The following NEMP2 variants were observed in gnomAD, a reference collection of about 807,000 sequenced individuals.
NEMP2 encodes the protein nuclear envelope integral membrane protein 2.
NEMP2 carries 53 observed loss-of-function variants against 54.2 expected under a neutral mutation model. That is an observed-to-expected ratio of 0.98 (90% CI 0.78 to 1.23). NEMP2 has a LOEUF of 1.23. NEMP2 is among the 50% of genes most tolerant of loss of function. The probability of loss-of-function intolerance (pLI) is 0.00; values close to 1 mark genes in which losing one functional copy is unlikely to be tolerated. For missense variants in NEMP2, 455 were observed against 511.3 expected (o/e 0.89, Z 1.06); for synonymous variants, 197 against 190.3 (o/e 1.04, Z -0.29).
At chr2:190,470,534 T>A in the NEMP2 span, among the ~76,000 whole-genome samples, 1 of 152,218 alleles carries the variant, frequency 6.6e-6, no homozygotes, top group Non-Finnish European at 1.5e-5. Context: ...AAGTCCTGAT[T>A]GGCATCATGA....
chr2:190,614,600 G>A, the NEMP2 span, among the ~76,000 whole-genome samples: 1 of 152,104 alleles, frequency 6.6e-6, no homozygotes, highest in Admixed American at 6.6e-5. This position sits in a 1 kb window ranked among gnomAD's most constrained non-coding sequence, Gnocchi z 5.7. Context: ...CTCTCAACAG[G>A]AATGGACCCA....
chr2:190,618,160 A>G, the NEMP2 span, among the ~76,000 whole-genome samples: 1 of 152,226 alleles, frequency 6.6e-6, no homozygotes, highest in African/African-American at 2.4e-5. Flanking sequence ...TCAGTGTGGT[A>G]ACTCATCAAG....
rs1211308944 is a variant in NEMP2, at chr2:190,525,233, C to G, written c.213+30G>C. ...CCCAGGACATGGTAATTCTCTGTCC[C>G]TAAGACATGAGTTAAAAGTAGGCCC... On this transcript the variant is annotated intron_variant, in intron 2 of 8. Coordinates refer to ENST00000409150, the MANE Select transcript of NEMP2 (RefSeq NM_001142645.2). The surrounding 1 kb of genome is among the most constrained non-coding windows in gnomAD (Gnocchi z 5.0). 1.6e-6 allele frequency: 2 copies of G among 1,233,098 alleles called. No homozygotes were observed. Among genetic ancestry groups the G allele is most frequent in the Admixed American group, 4.1e-5 (2 of 48,328 alleles). The allele number at this position is 1,233,098 out of a possible 1,614,324, so 76.4% of individuals were successfully genotyped here. A position where few individuals can be genotyped will look rare whatever the true frequency, so the allele number is the denominator to read the frequency against.
chr2:190,436,397 T>C, the NEMP2 span: 1 of 1,614,236 alleles, frequency 6.2e-7, no homozygotes, highest in Non-Finnish European at 8.5e-7. This position sits in a 1 kb window ranked among gnomAD's most constrained non-coding sequence, Gnocchi z 5.3. Context: ...TTTTGGGGTG[T>C]AGTTGCAGAC....
At chr2:190,586,820 A>G in the NEMP2 span, among the ~76,000 whole-genome samples, 1 of 152,214 alleles carries the variant, frequency 6.6e-6, no homozygotes, top group African/African-American at 2.4e-5. This position sits in a 1 kb window ranked among gnomAD's most constrained non-coding sequence, Gnocchi z 4.5. Context: ...GAACTAACAG[A>G]TACCTATCAT....
chr2:190,464,494 T>C, the NEMP2 span, among the ~76,000 whole-genome samples: 1 of 152,302 alleles, frequency 6.6e-6, no homozygotes, highest in Non-Finnish European at 1.5e-5. Flanking sequence ...AAAGTTCACT[T>C]CTTTCTTCAA....
At chr2:190,545,850 T>C in the NEMP2 span, among the ~76,000 whole-genome samples, 2 of 152,230 alleles carry the variant, frequency 1.3e-5, no homozygotes, top group Non-Finnish European at 2.9e-5. Context: ...TATTGCTGTC[T>C]CTTTGTACTC....
chr2:190,494,446 T>C, the NEMP2 span, among the ~76,000 whole-genome samples: 16 of 152,212 alleles, frequency 1.1e-4, no homozygotes, highest in East Asian at 2.3e-3. The surrounding 1 kb of genome is among the most constrained non-coding windows in gnomAD (Gnocchi z 5.7). Context: ...ACCAATCCTA[T>C]TGACACTATT....
chr2:190,469,818 G>A, the NEMP2 span: 3 of 1,610,196 alleles, frequency 1.9e-6, no homozygotes, highest in South Asian at 3.3e-5. The surrounding 1 kb of genome is among the most constrained non-coding windows in gnomAD (Gnocchi z 5.3). Context: ...CCTACCTGGA[G>A]AATGCCTGGA....
the NEMP2 span, among the ~76,000 whole-genome samples, chr2:190,429,704 C>A: frequency 6.6e-6 from 1 of 152,100 alleles, no homozygotes; most frequent in African/African-American, 2.4e-5. Flanking sequence ...ATTTTCCTAT[C>A]TATAAATCTT....
chr2:190,633,434 C>G, the NEMP2 span, among the ~76,000 whole-genome samples: 1 of 151,884 alleles, frequency 6.6e-6, no homozygotes, highest in African/African-American at 2.4e-5. Flanking sequence ...TCGCCTCAGC[C>G]TCCTGAGTAG....
At chr2:190,585,157 A>G in the NEMP2 span, among the ~76,000 whole-genome samples, 1 of 152,188 alleles carries the variant, frequency 6.6e-6, no homozygotes, top group South Asian at 2.1e-4. The surrounding 1 kb of genome is among the most constrained non-coding windows in gnomAD (Gnocchi z 5.3). Flanking sequence ...TGTTTCTAAC[A>G]ATGCTCTAGC....
the NEMP2 span, among the ~76,000 whole-genome samples, chr2:190,458,396 A>G: frequency 6.6e-6 from 1 of 152,128 alleles, no homozygotes; most frequent in African/African-American, 2.4e-5. The surrounding 1 kb of genome is among the most constrained non-coding windows in gnomAD (Gnocchi z 5.3). Flanking sequence ...CAGGGAGAGG[A>G]TGACTTGTCT....
the NEMP2 span, among the ~76,000 whole-genome samples, chr2:190,589,860 T>C: frequency 2.6e-5 from 4 of 152,172 alleles, no homozygotes; most frequent in African/African-American, 9.7e-5. This position sits in a 1 kb window ranked among gnomAD's most constrained non-coding sequence, Gnocchi z 4.3. Context: ...ACTGGCCAAT[T>C]CAAATACCCC....
At chr2:190,421,725 T>TA in the NEMP2 span, among the ~76,000 whole-genome samples, 44 of 151,006 alleles carry the variant, frequency 2.9e-4, no homozygotes, top group Middle Eastern at 3.4e-3. Context: ...CTGGCTAACT[T>TA]AAAAAAAAAA....
the NEMP2 span, chr2:190,609,389 T>A: frequency 3.9e-5 from 6 of 152,176 alleles, no homozygotes; most frequent in African/African-American, 1.4e-4. This position sits in a 1 kb window ranked among gnomAD's most constrained non-coding sequence, Gnocchi z 4.7. Flanking sequence ...TCATGGAGGT[T>A]TGGGGAGTTC....
chr2:190,468,453 AT>A, the NEMP2 span, among the ~76,000 whole-genome samples: 1,982 of 139,926 alleles, frequency 0.014, 36 homozygotes, highest in African/African-American at 0.041. Flanking sequence ...ATAGGAATGA[AT>A]TTTTTTTTTT....
In NEMP2 at chr2:190,527,139, T is replaced by C. The variant is rs190782595; in HGVS notation, c.98-1761A>G. ...TATGGGTACACAAAGAAATGGGCTT[T>C]ACATCCAACCCCTGACTCCTTTAAG... On this transcript the variant is annotated intron_variant, in intron 1 of 8. Transcript: ENST00000409150. This position sits in a 1 kb window ranked among gnomAD's most constrained non-coding sequence, Gnocchi z 4.0. 6.6e-6 allele frequency among the ~76,000 whole-genome samples: 1 copy of C among 152,316 alleles called. No homozygotes were observed. Among genetic ancestry groups the C allele is most frequent in the Non-Finnish European group, 1.5e-5 (1 of 68,034 alleles).
At chr2:190,477,477 G>GTCCT in the NEMP2 span, 3 of 489,718 alleles carry the variant, frequency 6.1e-6, no homozygotes, top group Non-Finnish European at 8.0e-6. Context: ...GAAAAGGACG[G>GTCCT]TTTCCATAAG....
Sources: allele counts gnomAD v4.1 joint callset (sites outside exome capture counted in the v4.1 genomes callset), GRCh38; gene constraint gnomAD v4.1.1; non-coding constraint Gnocchi (gnomAD v3.1); transcripts MANE v1.5; gene names NCBI Gene and HGNC (gene_info 2026-07-23, HGNC 2026-07-21).